The following PGLYRP4 variants were observed in gnomAD, a reference collection of about 807,000 sequenced individuals.
The protein encoded by PGLYRP4 is peptidoglycan recognition protein 4.
Under a neutral mutation model 41.2 loss-of-function variants are expected in PGLYRP4, and 39 were observed. The observed-to-expected ratio is 0.95, with a 90% CI of 0.73 to 1.24. The LOEUF (loss-of-function observed/expected upper bound fraction) is 1.24, where lower values mean the gene tolerates loss of function less well. Ranked by LOEUF, PGLYRP4 falls within the 50% of genes most tolerant of loss-of-function variation. PGLYRP4 has a pLI of 0.00. For synonymous variants in PGLYRP4, 202 were observed against 186.8 expected (o/e 1.08, Z -0.66); for missense variants, 467 against 460.7 (o/e 1.01, Z -0.13).
chr1:153,346,051 G>T, intron 3 of PGLYRP4, 51 bp downstream of exon 3: 1 of 1,364,820 alleles, frequency 7.3e-7, no homozygotes, highest in Non-Finnish European at 1.0e-6. Context: ...CCGATCACAT[G>T]AAAAACCCCA....
At chr1:153,343,018 T>C in intron 5 of PGLYRP4, 72 bp downstream of exon 5, 1 of 858,628 alleles carries the variant, frequency 1.2e-6, no homozygotes, top group Non-Finnish European at 2.0e-6. Context: ...AGATAGCTAG[T>C]TCCCATGAAG....
chr1:153,331,021 C>T, intron 8 of PGLYRP4, 76 bp from the exon 9 acceptor site: 2 of 1,224,668 alleles, frequency 1.6e-6, no homozygotes, highest in South Asian at 1.6e-5. Flanking sequence ...CAGAACCCAC[C>T]CTCATCACCA....
At chr1:153,333,439 TC>T (rs1463930413) in intron 8 of PGLYRP4, among the ~76,000 whole-genome samples, 11 of 151,970 alleles carry the variant, frequency 7.2e-5, no homozygotes, top group Admixed American at 7.2e-4. Flanking sequence ...AAAAAGATTC[TC>T]CCAACAACAA....
chr1:153,330,612 GC>G lies in PGLYRP4; in HGVS notation c.*154del, dbSNP rs948568771. The G allele has an allele frequency of 8.7e-6, 5 of 573,328 alleles. No individual in the cohort carries two copies. The African/African-American group carries it at 9.2e-5, about 11-fold the overall frequency. 35.5% of individuals were successfully genotyped at this position (573,328 alleles called of 1,614,324 possible). ...GTTTGGAGGCCCTTGGAGGATGTTG[GC>G]AGGAGAGGGCATGATCATCCCAACC... On this transcript the variant is annotated 3_prime_UTR_variant, in exon 9 of 9. Coordinates refer to ENST00000359650, the MANE Select transcript of PGLYRP4 (RefSeq NM_020393.4).
intron 2 of PGLYRP4, among the ~76,000 whole-genome samples, chr1:153,346,590 C>T (rs991363874): frequency 6.6e-6 from 1 of 152,174 alleles, no homozygotes; most frequent in Non-Finnish European, 1.5e-5. Flanking sequence ...GTTAGAATTA[C>T]CTGCACGGCT....
Position 153,345,236 on chromosome 1 carries a change from T to A in PGLYRP4, c.286A>T (p.Ser96Cys). The A allele has an allele frequency of 6.2e-7, 1 of 1,614,168 alleles. No individual in the cohort carries two copies. Among genetic ancestry groups the A allele is most frequent in the South Asian group, 1.1e-5 (1 of 91,084 alleles). ...GLECHDQTVC[S>C]QRLRELQAHH... ...GCCTGCAGTTCCCGCAGTCTCTGGC[T>A]GCAGACTGTCTGGTCGTGACACTCC... The change falls in exon 4 of 9, where the codon AGC becomes TGC. Residue 96 changes from serine (S) to cysteine (C), a missense_variant. Ser to Cys is a moderately radical substitution (Grantham distance 112). Transcript: ENST00000359650.
At chr1:153,336,369 C>CAAAAAAAAAAAAAAAAAAAA (rs58665160) in intron 8 of PGLYRP4, among the ~76,000 whole-genome samples, 1 of 76,496 alleles carries the variant, frequency 1.3e-5, no homozygotes, top group African/African-American at 5.7e-5. Context: ...GACTCCATCT[C>CAAAAAAAAAAAAAAAAAAAA]AAAAAAAAAA....
In PGLYRP4 at chr1:153,330,864, T is replaced by C. The variant is rs755624966; in HGVS notation, c.1025A>G (p.Asn342Ser). The C allele has an allele frequency of 1.2e-6, 2 of 1,613,942 alleles. No individual in the cohort carries two copies. The highest frequency in any genetic ancestry group is 8.5e-7 in the Non-Finnish European group (1 of 1,179,856). The change falls in exon 9 of 9, where the codon AAC (asparagine) becomes AGC (serine). Residue 342 changes from asparagine (N) to serine (S), a missense_variant. Asn to Ser is a conservative substitution (Grantham distance 46). Transcript: ENST00000359650. ...ATCACTGTGGCCCACCAGCAGGTAG[T>C]TGGGAGTCAGGTACCCTTTGACCAT... ...CAMVKGYLTP[N>S]YLLVGHSDVA...
At position 153,330,806 on chromosome 1, in the gene PGLYRP4, C is replaced by G. The variant is rs1660304733; in HGVS notation, c.1083G>C (p.Leu361Phe). Residue 361 changes from leucine to phenylalanine, a missense_variant, in exon 9 of 9, where the codon TTG becomes TTC. Transcript: ENST00000359650. ...VARTLSPGQALYNIISTWPHF... is the reference protein window; with the variant it reads ...VARTLSPGQAFYNIISTWPHF... Reference sequence around the variant, plus strand: ...GAGGCCAGGTGCTGATGATGTTGTACAAAGCCTGCCCAGGAGACAAGGTTC... The same window carrying G: ...GAGGCCAGGTGCTGATGATGTTGTAGAAAGCCTGCCCAGGAGACAAGGTTC... 4.3e-6 allele frequency: 7 copies of G among 1,613,916 alleles called. No homozygotes were observed. The highest frequency in any genetic ancestry group is 1.7e-5 in the Admixed American group (1 of 60,004).
intron 4 of PGLYRP4, among the ~76,000 whole-genome samples, chr1:153,344,549 C>T (rs1164599955): frequency 1.3e-5 from 2 of 152,200 alleles, no homozygotes; most frequent in Admixed American, 6.5e-5. Context: ...GTGTTGGGCA[C>T]TTGAGGCAGG....
chr1:153,330,710 G>T lies in PGLYRP4; in HGVS notation c.*57C>A. 6.7e-7 allele frequency: 1 copy of T among 1,495,966 alleles called. No individual in the cohort carries two copies. Among genetic ancestry groups the T allele is most frequent in the Non-Finnish European group, 9.2e-7 (1 of 1,082,044 alleles). The allele number at this position is 1,495,966 out of a possible 1,614,324, so 92.7% of individuals were successfully genotyped here. A position where few individuals can be genotyped will look rare whatever the true frequency, so the allele number is the denominator to read the frequency against. ...GTGTTGAGCCAAGCTGGATGGTTAGGACAGGAGAGACCTGACAGGGGAGGG... is the reference window on the plus strand; with the variant it reads ...GTGTTGAGCCAAGCTGGATGGTTAGTACAGGAGAGACCTGACAGGGGAGGG... On this transcript the variant is annotated 3_prime_UTR_variant, in exon 9 of 9. Transcript: ENST00000359650.
intron 2 of PGLYRP4, 83 bp downstream of exon 2, chr1:153,347,801 C>G: frequency 1.0e-6 from 1 of 999,596 alleles, no homozygotes; most frequent in Non-Finnish European, 1.6e-6. Context: ...CTCAGATGGA[C>G]AGTAGGTATT....
chr1:153,332,156 G>A (rs1382260604), intron 8 of PGLYRP4, among the ~76,000 whole-genome samples: 4 of 151,954 alleles, frequency 2.6e-5, no homozygotes, highest in Non-Finnish European at 4.4e-5. Context: ...AAAGGAGGAG[G>A]AGTTGCTACA....
chr1:153,334,464 T>TATATATATATATA (rs1553197034), intron 8 of PGLYRP4, among the ~76,000 whole-genome samples: 4 of 57,164 alleles, frequency 7.0e-5, no homozygotes, highest in South Asian at 7.4e-4. Flanking sequence ...ATATATATAT[T>TATATATATATATA]TATTTATATA....
intron 8 of PGLYRP4, among the ~76,000 whole-genome samples, chr1:153,334,216 T>C (rs1660446007): frequency 6.6e-6 from 1 of 151,176 alleles, no homozygotes; most frequent in African/African-American, 2.4e-5. Flanking sequence ...AGATACAAAA[T>C]CAATGTACAA....
intron 7 of PGLYRP4, among the ~76,000 whole-genome samples, chr1:153,339,775 A>G (rs202044738): frequency 3.3e-4 from 2 of 6,054 alleles, no homozygotes; most frequent in South Asian, 5.0e-3. Flanking sequence ...CTTAATGGGG[A>G]AAAAAAAAAG....
chr1:153,345,447 C>A (rs958713396), intron 3 of PGLYRP4, 65 bp from the exon 4 acceptor site: 1 of 1,434,116 alleles, frequency 7.0e-7, no homozygotes, highest in Non-Finnish European at 9.8e-7. Context: ...GCTGAACATG[C>A]AGGCATGGGC....
chr1:153,338,499 C>A (rs923502829), intron 7 of PGLYRP4, among the ~76,000 whole-genome samples: 8 of 152,202 alleles, frequency 5.3e-5, no homozygotes, highest in Non-Finnish European at 8.8e-5. Flanking sequence ...ATGTCAAAAC[C>A]CTGTTTTCAG....
rs541134069 is a variant in PGLYRP4, at chr1:153,331,303, C to A, written c.944-358G>T. On this transcript the variant is annotated intron_variant, in intron 8 of 8. Coordinates refer to ENST00000359650, the MANE Select transcript of PGLYRP4 (RefSeq NM_020393.4). ...AACTGGGATGCAGGGGAATACTAGTCGGTAGAAGCCAAGGATACTGCTAAA... is the reference window on the plus strand; with the variant it reads ...AACTGGGATGCAGGGGAATACTAGTAGGTAGAAGCCAAGGATACTGCTAAA... Among the ~76,000 whole-genome samples, 14 of 152,242 alleles carry A rather than the reference C, an allele frequency of 9.2e-5. No individual in the cohort carries two copies. The South Asian group carries it at 2.7e-3, about 29-fold the overall frequency.
Sources: allele counts gnomAD v4.1 joint callset (sites outside exome capture counted in the v4.1 genomes callset), GRCh38; gene constraint gnomAD v4.1.1; transcripts MANE v1.5; gene names NCBI Gene and HGNC (gene_info 2026-07-23, HGNC 2026-07-21).